SLC24A2: variants seen among roughly 807,000 people sequenced by gnomAD.
The protein encoded by SLC24A2 is sodium/potassium/calcium exchanger 2.
SLC24A2 carries 36 observed loss-of-function variants against 62.0 expected under a neutral mutation model. That is an observed-to-expected ratio of 0.58 (90% CI 0.44 to 0.77). The LOEUF (loss-of-function observed/expected upper bound fraction) is 0.77, where lower values mean the gene tolerates loss of function less well. Among genes scored for constraint, SLC24A2 ranks in the 30% least tolerant of loss-of-function variants. The probability of loss-of-function intolerance (pLI) is 0.00; values close to 1 mark genes in which losing one functional copy is unlikely to be tolerated. For synonymous variants in SLC24A2, 358 were observed against 294.0 expected, an observed-to-expected ratio of 1.22 and a Z score of -2.23; for missense variants, 846 against 817.9, an observed-to-expected ratio of 1.03 and a Z score of -0.42.
chr9:20,007,474 A>T, the SLC24A2 span, among the ~76,000 whole-genome samples: 3 of 152,176 alleles, frequency 2.0e-5, no homozygotes, highest in African/African-American at 4.8e-5. Flanking sequence ...AGGCTCTCCA[A>T]ATCAGTTACC....
At chr9:19,801,354 G>T in the SLC24A2 span, among the ~76,000 whole-genome samples, 1 of 152,214 alleles carries the variant, frequency 6.6e-6, no homozygotes, top group Non-Finnish European at 1.5e-5. Flanking sequence ...GTGCCTCGCT[G>T]GTTCAGGAGC....
intron 2 of SLC24A2, among the ~76,000 whole-genome samples, chr9:19,642,720 G>A (rs62563284): frequency 0.048 from 5,332 of 110,342 alleles, 127 homozygotes; most frequent in Middle Eastern, 0.17. Flanking sequence ...TCGCTCTTTC[G>A]CCCAGTCTGG....
chr9:19,891,733 G>C, the SLC24A2 span, among the ~76,000 whole-genome samples: 1 of 152,036 alleles, frequency 6.6e-6, no homozygotes, highest in Non-Finnish European at 1.5e-5. Flanking sequence ...GTGACAGAGC[G>C]AGATCCTGTC....
At chr9:19,885,778 T>A in the SLC24A2 span, among the ~76,000 whole-genome samples, 2 of 152,146 alleles carry the variant, frequency 1.3e-5, no homozygotes, top group Admixed American at 1.3e-4. Context: ...GGCCCCAGTA[T>A]GTATTATTCC....
chr9:19,856,778 C>G, the SLC24A2 span, among the ~76,000 whole-genome samples: 11 of 152,176 alleles, frequency 7.2e-5, no homozygotes, highest in Non-Finnish European at 1.6e-4. Context: ...GGCACTGGAT[C>G]CAGGATCTGC....
At chr9:19,556,777 C>T (rs751960395) in intron 7 of SLC24A2, among the ~76,000 whole-genome samples, 7 of 151,696 alleles carry the variant, frequency 4.6e-5, no homozygotes, top group African/African-American at 1.7e-4. Flanking sequence ...TTTAAAAACA[C>T]TAGTGCCTCT....
chr9:19,754,047 A>T (rs180735106), intron 2 of SLC24A2, among the ~76,000 whole-genome samples: 93 of 152,334 alleles, frequency 6.1e-4, no homozygotes, highest in African/African-American at 2.1e-3. Flanking sequence ...AAAAAATTTT[A>T]AAAACTCCTA....
intron 5 of SLC24A2, among the ~76,000 whole-genome samples, chr9:19,585,946 C>T (rs985158894): frequency 6.6e-6 from 1 of 152,216 alleles, no homozygotes; most frequent in African/African-American, 2.4e-5. Context: ...AGCAGGGTCA[C>T]CTTATCGTTA....
At chr9:19,691,097 A>G (rs551410787) in intron 2 of SLC24A2, among the ~76,000 whole-genome samples, 106 of 152,270 alleles carry the variant, frequency 7.0e-4, no homozygotes, top group African/African-American at 2.3e-3. Context: ...GTTCCACTCA[A>G]TTTTAGTCCA....
the SLC24A2 span, among the ~76,000 whole-genome samples, chr9:20,136,963 G>C: frequency 6.6e-6 from 1 of 152,118 alleles, no homozygotes; most frequent in East Asian, 1.9e-4. Context: ...CTAGCAAAAA[G>C]GGTGTGTTTA....
At chr9:20,172,726 A>AT in the SLC24A2 span, among the ~76,000 whole-genome samples, 1 of 152,036 alleles carries the variant, frequency 6.6e-6, no homozygotes, top group African/African-American at 2.4e-5. Context: ...AGCAAAAAAA[A>AT]GTCCAGGACC....
chr9:20,129,377 T>C, the SLC24A2 span, among the ~76,000 whole-genome samples: 16 of 152,160 alleles, frequency 1.1e-4, no homozygotes, highest in African/African-American at 3.6e-4. Context: ...TGCTGAAAAC[T>C]GTTTGATACA....
At chr9:20,018,818 C>G in the SLC24A2 span, among the ~76,000 whole-genome samples, 3 of 151,960 alleles carry the variant, frequency 2.0e-5, 1 homozygote, top group South Asian at 4.1e-4. Context: ...AATCCCAACA[C>G]TTTGGAAGGC....
chr9:19,527,145 TATCTTATTTATGTTGCCA>T (rs1270169913), intron 9 of SLC24A2, among the ~76,000 whole-genome samples: 13 of 152,324 alleles, frequency 8.5e-5, no homozygotes, highest in African/African-American at 2.4e-4. Context: ...CAAATTTCTA[TATCTTATTTATGTTGCCA>T]AGTATAATAA....
At chr9:20,285,546 G>C in the SLC24A2 span, among the ~76,000 whole-genome samples, 8 of 152,234 alleles carry the variant, frequency 5.3e-5, no homozygotes, top group South Asian at 1.7e-3. Flanking sequence ...CAGGCTTTTT[G>C]TTCTACTTAG....
chr9:20,077,671 G>A, the SLC24A2 span, among the ~76,000 whole-genome samples: 1 of 152,144 alleles, frequency 6.6e-6, no homozygotes, highest in African/African-American at 2.4e-5. Flanking sequence ...ATACCAAGGA[G>A]TTAATCATTC....
the SLC24A2 span, among the ~76,000 whole-genome samples, chr9:19,977,358 G>T: frequency 6.6e-6 from 1 of 152,094 alleles, no homozygotes; most frequent in African/African-American, 2.4e-5. Context: ...ATTAGAGTGG[G>T]TGGCTTGGGA....
intron 9 of SLC24A2, among the ~76,000 whole-genome samples, chr9:19,524,137 C>CAAAAAAAA (rs57173482): frequency 2.4e-5 from 2 of 84,706 alleles, no homozygotes; most frequent in Non-Finnish European, 4.3e-5. Context: ...ACTTCATTTT[C>CAAAAAAAA]AAAAAAAAAA....
At chr9:19,727,820 T>C (rs1167365969) in intron 2 of SLC24A2, among the ~76,000 whole-genome samples, 1 of 152,174 alleles carries the variant, frequency 6.6e-6, no homozygotes, top group African/African-American at 2.4e-5. Context: ...TTTAAAAACA[T>C]GGTTATTTAC....
Sources: allele counts gnomAD v4.1 joint callset (sites outside exome capture counted in the v4.1 genomes callset), GRCh38; gene constraint gnomAD v4.1.1; transcripts MANE v1.5; gene names NCBI Gene and HGNC (gene_info 2026-07-23, HGNC 2026-07-21).